The following LIMA1 variants were observed in gnomAD, a reference collection of about 807,000 sequenced individuals.
LIMA1 encodes LIM domain and actin-binding protein 1.
LIMA1 carries 52 observed loss-of-function variants against 62.6 expected under a neutral mutation model. That is an observed-to-expected ratio of 0.83 (90% CI 0.67 to 1.05). LIMA1 has a LOEUF of 1.05. LIMA1 is among the 50% of genes least tolerant of loss of function. The pLI is 0.00. For missense variants in LIMA1, 780 were observed against 902.2 expected (o/e 0.86, Z 1.74); for synonymous variants, 302 against 317.8 (o/e 0.95, Z 0.53).
chr12:50,180,348 G>T (rs1025164804), intron 10 of LIMA1, among the ~76,000 whole-genome samples: 6 of 151,480 alleles, frequency 4.0e-5, no homozygotes, highest in African/African-American at 1.5e-4. Context: ...GGTGGTGCCC[G>T]CCTGTAATCC....
rs749492010 is a variant in LIMA1, at chr12:50,177,151, G to C, written c.2193C>G (p.Leu731=). 1 of 1,613,670 alleles carries C rather than the reference G, an allele frequency of 6.2e-7. No homozygotes were observed. The highest frequency in any genetic ancestry group is 8.5e-7 in the Non-Finnish European group (1 of 1,179,918). ...TQNQKSQDVE[L]WEGEVVKELS... The stretch of plus-strand genomic sequence containing the variant: ...GCTCTTTGACCACTTCTCCCTCCCA[G>C]AGTTCCACATCCTGGGATTTCTGAT... The change falls in exon 11 of 11, where the codon CTC becomes CTG. Residue 731 remains leucine (L), a synonymous_variant. Coordinates refer to ENST00000341247, the MANE Select transcript of LIMA1 (RefSeq NM_016357.5).
At chr12:50,279,924 TA>T (rs1260015958) in intron 1 of LIMA1, among the ~76,000 whole-genome samples, 1 of 152,022 alleles carries the variant, frequency 6.6e-6, no homozygotes, top group African/African-American at 2.4e-5. Context: ...TAAAACTAAG[TA>T]AAGCGGATAT....
intron 1 of LIMA1, among the ~76,000 whole-genome samples, chr12:50,255,043 A>C (rs1262630486): frequency 1.3e-5 from 1 of 77,692 alleles, no homozygotes; most frequent in Non-Finnish European, 2.2e-5. Flanking sequence ...CAAAAAAAAC[A>C]AAACAAAAAA....
At chr12:50,277,288 C>T (rs1942287528) in intron 1 of LIMA1, among the ~76,000 whole-genome samples, 1 of 151,468 alleles carries the variant, frequency 6.6e-6, no homozygotes, top group Non-Finnish European at 1.5e-5. Flanking sequence ...CTTCTATTTT[C>T]CTGAAAGTTA....
chr12:50,208,624 T>C (rs945873793), intron 4 of LIMA1, among the ~76,000 whole-genome samples: 1 of 152,198 alleles, frequency 6.6e-6, no homozygotes, highest in African/African-American at 2.4e-5. Flanking sequence ...CACTCCAGCC[T>C]GGGCAACAGA....
At chr12:50,263,731 G>C (rs550293626) in intron 1 of LIMA1, among the ~76,000 whole-genome samples, 162 of 150,250 alleles carry the variant, frequency 1.1e-3, no homozygotes, top group African/African-American at 3.6e-3. Context: ...CAGTCTGGTG[G>C]TTCCTCAAAA....
At chr12:50,217,551 T>A (rs1196872226) in intron 4 of LIMA1, 1 of 153,130 alleles carries the variant, frequency 6.5e-6, no homozygotes, top group African/African-American at 2.4e-5. Flanking sequence ...AGGCTAGTTT[T>A]TCTTCAGTCC....
At chr12:50,270,948 CG>C (rs2138697045) in intron 1 of LIMA1, among the ~76,000 whole-genome samples, 1 of 152,030 alleles carries the variant, frequency 6.6e-6, no homozygotes, top group South Asian at 2.1e-4. Context: ...AAAAATTAGC[CG>C]GGCGTGGTGG....
chr12:50,197,319 C>T (rs760707655), intron 7 of LIMA1, among the ~76,000 whole-genome samples: 2 of 151,996 alleles, frequency 1.3e-5, no homozygotes, highest in Non-Finnish European at 2.9e-5. Flanking sequence ...ATCTGCCCAC[C>T]TTGGCCTCCC....
intron 1 of LIMA1, among the ~76,000 whole-genome samples, chr12:50,282,128 G>A (rs780454031): frequency 2.0e-5 from 3 of 151,890 alleles, no homozygotes; most frequent in Admixed American, 6.6e-5. Context: ...CTTCTTTCAC[G>A]CCAACTCTAT....
At chr12:50,236,092 G>A (rs1332367332) in intron 2 of LIMA1, among the ~76,000 whole-genome samples, 1 of 151,744 alleles carries the variant, frequency 6.6e-6, no homozygotes, top group Non-Finnish European at 1.5e-5. Flanking sequence ...CTGAACCCGG[G>A]AGGTGGAGGT....
At chr12:50,192,705 A>T in intron 8 of LIMA1, 144 bp from the exon 9 acceptor site, 1 of 635,500 alleles carries the variant, frequency 1.6e-6, no homozygotes, top group Non-Finnish European at 2.9e-6. Context: ...CTGTTGAAGA[A>T]TATTCGAACA....
At chr12:50,196,578 G>T (rs549963841) in intron 7 of LIMA1, among the ~76,000 whole-genome samples, 34 of 152,086 alleles carry the variant, frequency 2.2e-4, no homozygotes, top group African/African-American at 8.2e-4. Context: ...CTTTCTACTG[G>T]CCCCCATGCC....
At chr12:50,232,112 C>T (rs1941621237) in intron 2 of LIMA1, among the ~76,000 whole-genome samples, 1 of 132,204 alleles carries the variant, frequency 7.6e-6, no homozygotes, top group South Asian at 2.7e-4. Context: ...TCCAGTGGTA[C>T]AACCATGGTT....
intron 1 of LIMA1, among the ~76,000 whole-genome samples, chr12:50,280,142 G>GGATTTTTTTTTTTTTTTTTTTTTTT (rs1565868099): frequency 1.0e-5 from 1 of 95,824 alleles, no homozygotes. Flanking sequence ...CAGGGTAGTA[G>GGATTTTTTTTTTTTTTTTTTTTTTT]TATTTTTTTT....
rs1307377174 is a variant in LIMA1 at position 50,176,178 on chromosome 12, A to C, written c.*886T>G. The C allele has an allele frequency of 6.6e-6, 1 of 152,234 alleles. No individual in the cohort carries two copies. Among genetic ancestry groups the C allele is most frequent in the African/African-American group, 2.4e-5 (1 of 41,464 alleles). 9.4% of individuals were successfully genotyped at this position (152,234 alleles called of 1,614,324 possible). ...TACAGGGTTTAGAGGTCTGAGCTCAAGTGGTGTAAGACAGTTCTTTCTTCT... is the reference window on the plus strand; with the variant it reads ...TACAGGGTTTAGAGGTCTGAGCTCACGTGGTGTAAGACAGTTCTTTCTTCT... On this transcript the variant is annotated 3_prime_UTR_variant, in exon 11 of 11. Coordinates refer to ENST00000341247, the MANE Select transcript of LIMA1 (RefSeq NM_016357.5).
At chr12:50,239,416 A>G (rs1434134793) in intron 2 of LIMA1, among the ~76,000 whole-genome samples, 3 of 152,180 alleles carry the variant, frequency 2.0e-5, no homozygotes, top group Admixed American at 6.5e-5. Context: ...AGTCGAGTAG[A>G]TCACTTGAGG....
At chr12:50,261,119 C>G (rs1942068144) in intron 1 of LIMA1, among the ~76,000 whole-genome samples, 3 of 125,856 alleles carry the variant, frequency 2.4e-5, no homozygotes, top group Admixed American at 2.1e-4. Context: ...GTGGCGTGAT[C>G]TGGGCTCACT....
At chr12:50,223,257 G>A (rs1283967899) in intron 3 of LIMA1, among the ~76,000 whole-genome samples, 2 of 151,928 alleles carry the variant, frequency 1.3e-5, no homozygotes, top group African/African-American at 2.4e-5. Flanking sequence ...GGCCGAGGCC[G>A]GCGGATCACA....
Sources: allele counts gnomAD v4.1 joint callset (sites outside exome capture counted in the v4.1 genomes callset), GRCh38; gene constraint gnomAD v4.1.1; transcripts MANE v1.5; gene names NCBI Gene and HGNC (gene_info 2026-07-23, HGNC 2026-07-21).